Variants in GNL1 observed in about 807,000 individuals in gnomAD.
The protein encoded by GNL1 is G protein nucleolar 1, also known as guanine nucleotide-binding protein-like 1.
GNL1 carries 21 observed loss-of-function variants against 75.2 expected under a neutral mutation model. The observed-to-expected ratio is 0.28, with a 90% CI of 0.20 to 0.40. The LOEUF is 0.40. Among genes scored for constraint, GNL1 ranks in the 10% least tolerant of loss-of-function variants. The pLI is 1.00. For synonymous variants in GNL1, 287 were observed against 303.4 expected (o/e 0.95, Z 0.56); for missense variants, 579 against 775.0 (o/e 0.75, Z 3.00).
rs774477156 is a variant in GNL1 at position 30,555,618 on chromosome 6, T to C, written c.176A>G (p.His59Arg). 8 of 1,614,034 alleles carry C rather than the reference T, an allele frequency of 5.0e-6. No individual in the cohort carries two copies. In the Admixed American group the frequency reaches 1.2e-4, roughly 24 times the overall value. ...DTSDGESVTHHIRRLNQQPSQ... is the reference protein window; with the variant it reads ...DTSDGESVTHRIRRLNQQPSQ... ...AGGCTGCTGGTTAAGCCTGCGGATA[T>C]GATGGGTCACAGACTCCCCGTCCGA... Residue 59 changes from histidine to arginine, a missense_variant, in exon 2 of 12, where the codon CAT becomes CGT. Coordinates refer to ENST00000376621, the MANE Select transcript of GNL1 (RefSeq NM_005275.5). This position sits in a 1 kb window ranked among gnomAD's most constrained non-coding sequence, Gnocchi z 4.3.
In GNL1 at chr6:30,555,621, T is replaced by C. The variant is rs761759826; in HGVS notation, c.173A>G (p.His58Arg). The change falls in exon 2 of 12, where the codon CAT becomes CGT. Residue 58 changes from histidine (H) to arginine (R), a missense_variant. Coordinates refer to ENST00000376621, the MANE Select transcript of GNL1 (RefSeq NM_005275.5). This position sits in a 1 kb window ranked among gnomAD's most constrained non-coding sequence, Gnocchi z 4.3. ...TDTSDGESVT[H>R]HIRRLNQQPS... ...CTGCTGGTTAAGCCTGCGGATATGATGGGTCACAGACTCCCCGTCCGAGGT... is the reference window on the plus strand; with the variant it reads ...CTGCTGGTTAAGCCTGCGGATATGACGGGTCACAGACTCCCCGTCCGAGGT... 1.9e-6 allele frequency: 3 copies of C among 1,613,944 alleles called. No individual in the cohort carries two copies. The highest frequency in any genetic ancestry group is 1.3e-5 in the African/African-American group (1 of 74,930).
At position 30,546,829 on chromosome 6, in the gene GNL1, T is replaced by C. The variant is rs761502641; in HGVS notation, c.1449A>G (p.Ala483=). The C allele has an allele frequency of 6.3e-6, 10 of 1,586,974 alleles. 1 individual carries two copies. The South Asian group carries it at 1.1e-4, about 18-fold the overall frequency. The part of the protein sequence containing the change: ...WCAWDICEAW[A]EKRGYKTAKA... ...TGGCTGTCTTGTAACCACGTTTCTC[T>C]GCCCAGGCTGGAGGAAGAAAAGAAT... The change falls in exon 11 of 12, where the codon GCA becomes GCG. Residue 483 remains alanine, a synonymous_variant. Coordinates refer to ENST00000376621, the MANE Select transcript of GNL1 (RefSeq NM_005275.5). The surrounding 1 kb of genome is among the most constrained non-coding windows in gnomAD (Gnocchi z 5.1).
Position 30,546,470 on chromosome 6 carries a change from T to C in GNL1, c.1583-157A>G, listed in dbSNP as rs1317483644. On this transcript the variant is annotated intron_variant, in intron 11 of 11. Coordinates refer to ENST00000376621, the MANE Select transcript of GNL1 (RefSeq NM_005275.5). This position sits in a 1 kb window ranked among gnomAD's most constrained non-coding sequence, Gnocchi z 5.1. ...ATTCATTCAACTTCCTATGTGCAGA[T>C]TGCTGAACAGAACCTTTGTGCACAT... 2.3e-5 allele frequency: 16 copies of C among 681,956 alleles called. No individual in the cohort carries two copies. Among genetic ancestry groups the C allele is most frequent in the East Asian group, 1.4e-4 (5 of 36,672 alleles). The allele number at this position is 681,956 out of a possible 1,614,324, so 42.2% of individuals were successfully genotyped here.
Position 30,552,933 on chromosome 6 carries a change from C to A in GNL1, c.904+151G>T. 2 of 701,516 alleles carry A rather than the reference C, an allele frequency of 2.9e-6. No homozygotes were observed. The highest frequency in any genetic ancestry group is 2.5e-6 in the Non-Finnish European group (1 of 399,298). 43.5% of individuals were successfully genotyped at this position (701,516 alleles called of 1,614,324 possible). On this transcript the variant is annotated intron_variant, in intron 7 of 11. Coordinates refer to ENST00000376621, the MANE Select transcript of GNL1 (RefSeq NM_005275.5). This position sits in a 1 kb window ranked among gnomAD's most constrained non-coding sequence, Gnocchi z 4.5. ...GACTACCTGCTGCCTCTCGTCCCAC[C>A]AAGTCAGTCTGCTCCTTATTCTGTC...
At position 30,543,961 on chromosome 6, in the gene GNL1, T is replaced by C. The variant is rs1408311765; in HGVS notation, c.*2111A>G. The C allele has an allele frequency of 1.3e-5, 2 of 152,174 alleles. No individual in the cohort carries two copies. Among genetic ancestry groups the C allele is most frequent in the Admixed American group, 1.3e-4 (2 of 15,264 alleles). The allele number at this position is 152,174 out of a possible 1,614,324, so 9.4% of individuals were successfully genotyped here. The stretch of plus-strand genomic sequence containing the variant: ...AGACCTCCATGGTCAAGTATTCACA[T>C]AGTAGACATGACCCAGACAAGAGGG... On this transcript the variant is annotated 3_prime_UTR_variant, in exon 12 of 12. Transcript: ENST00000376621.
chr6:30,545,553 CAAT>C lies in GNL1; in HGVS notation c.*516_*518del, dbSNP rs1454066516. On this transcript the variant is annotated 3_prime_UTR_variant, in exon 12 of 12. Coordinates refer to ENST00000376621, the MANE Select transcript of GNL1 (RefSeq NM_005275.5). ...CAGGTCAAGACACACAATAGACCCT[CAAT>C]AAATATTTGCTGAATTTGAACAATT... The C allele has an allele frequency of 6.1e-6, 1 of 164,818 alleles. No homozygotes were observed. Among genetic ancestry groups the C allele is most frequent in the Admixed American group, 6.5e-5 (1 of 15,334 alleles). 10.2% of individuals were successfully genotyped at this position (164,818 alleles called of 1,614,324 possible).
At chr6:30,549,076 C>T (rs143026209) in intron 8 of GNL1, among the ~76,000 whole-genome samples, 7 of 152,240 alleles carry the variant, frequency 4.6e-5, no homozygotes, top group African/African-American at 1.2e-4. Flanking sequence ...TGGCTCACTA[C>T]AACCTCATCC....
At chr6:30,554,743 G>A (rs1213850436) in intron 4 of GNL1, 21 bp downstream of exon 4, 2 of 1,611,916 alleles carry the variant, frequency 1.2e-6, no homozygotes. Context: ...CCCCACTCCT[G>A]TCCCTAGAGT....
rs930894426 is a variant in GNL1, at chr6:30,554,566, A to G, written c.600+9T>C. The G allele has an allele frequency of 3.9e-6, 6 of 1,535,248 alleles. No homozygotes were observed. Among genetic ancestry groups the G allele is most frequent in the Non-Finnish European group, 5.4e-6 (6 of 1,109,122 alleles). ...CTCCTCCTTGCCCACCCTTATCCCTAGTACTCACTGGATGTCGGATATCAG... is the reference window on the plus strand; with the variant it reads ...CTCCTCCTTGCCCACCCTTATCCCTGGTACTCACTGGATGTCGGATATCAG... On this transcript the variant is annotated intron_variant, in intron 5 of 11. Transcript: ENST00000376621.
In GNL1 at chr6:30,555,988, G is replaced by A. The variant is rs1800149598; in HGVS notation, c.73+143C>T. 9.6e-7 allele frequency: 1 copy of A among 1,041,826 alleles called. No individual in the cohort carries two copies. Among genetic ancestry groups the A allele is most frequent in the African/African-American group, 1.6e-5 (1 of 64,156 alleles). The allele number at this position is 1,041,826 out of a possible 1,614,324, so 64.5% of individuals were successfully genotyped here. ...CCCCTTCCAGATGTAGGGGGGGTGG[G>A]GGATCCCCTCCGCGATAGGCCGCGA... is the stretch of plus-strand genomic sequence containing the variant. On this transcript the variant is annotated intron_variant, in intron 1 of 11. Transcript: ENST00000376621. The surrounding 1 kb of genome is among the most constrained non-coding windows in gnomAD (Gnocchi z 4.3).
chr6:30,555,210 A>G lies in GNL1; in HGVS notation c.240-19T>C. On this transcript the variant is annotated intron_variant, in intron 2 of 11. Transcript: ENST00000376621. The surrounding 1 kb of genome is among the most constrained non-coding windows in gnomAD (Gnocchi z 4.3). Reference sequence around the variant, plus strand: ...TCGGTATCTAAGGGAACAGGGACCGAGACATCCAGAGCAATCCTGTGGCCA... The same window carrying G: ...TCGGTATCTAAGGGAACAGGGACCGGGACATCCAGAGCAATCCTGTGGCCA... 1 of 1,612,952 alleles carries G rather than the reference A, an allele frequency of 6.2e-7. No homozygotes were observed. The highest frequency in any genetic ancestry group is 8.5e-7 in the Non-Finnish European group (1 of 1,179,984).
rs770415255 is a variant in GNL1 at position 30,556,140 on chromosome 6, G to A, written c.64C>T (p.Arg22Trp). 12 of 1,602,296 alleles carry A rather than the reference G, an allele frequency of 7.5e-6. No homozygotes were observed. Among genetic ancestry groups the A allele is most frequent in the Non-Finnish European group, 1.0e-5 (12 of 1,177,320 alleles). Residue 22 changes from arginine to tryptophan, a missense_variant, in exon 1 of 12, where the codon CGG becomes TGG. Arg to Trp is a moderately radical substitution (Grantham distance 101). Transcript: ENST00000376621. The surrounding 1 kb of genome is among the most constrained non-coding windows in gnomAD (Gnocchi z 5.7). Reference protein sequence around the residue: ...KKKQLQDKRERKRGLQDGLRS... With the variant: ...KKKQLQDKREWKRGLQDGLRS... Reference sequence around the variant, plus strand: ...CCGCTCCCGCACTGACCTCTCTTCCGCTCCCGTTTGTCCTGCAACTGCTTC... The same window carrying A: ...CCGCTCCCGCACTGACCTCTCTTCCACTCCCGTTTGTCCTGCAACTGCTTC...
At position 30,555,038 on chromosome 6, in the gene GNL1, G is replaced by C. The variant is rs1403878514; in HGVS notation, c.376+17C>G. On this transcript the variant is annotated intron_variant, in intron 3 of 11. Coordinates refer to ENST00000376621, the MANE Select transcript of GNL1 (RefSeq NM_005275.5). The surrounding 1 kb of genome is among the most constrained non-coding windows in gnomAD (Gnocchi z 4.3). ...AAACTCCTTCCCCAGCCCAATGCCT[G>C]TCTTGCTCTCACTCACCTGAGCCAG... 1 of 1,612,856 alleles carries C rather than the reference G, an allele frequency of 6.2e-7. No homozygotes were observed. Among genetic ancestry groups the C allele is most frequent in the African/African-American group, 1.3e-5 (1 of 74,976 alleles).
rs751015736 is a variant in GNL1 at position 30,553,556 on chromosome 6, A to G, written c.602T>C (p.Val201Ala). ...ATAAAGTGCTGGCGGGAAATTCACA[A>G]CCTAGGACAGAGTTGATAAGAGGAT... ...VLLITDIRHP[V>A]VNFPPALYEY... Residue 201 changes from valine to alanine, a missense_variant and splice_region_variant, in exon 6 of 12, where the codon GTT becomes GCT. Coordinates refer to ENST00000376621, the MANE Select transcript of GNL1 (RefSeq NM_005275.5). 9 of 1,608,194 alleles carry G rather than the reference A, an allele frequency of 5.6e-6. No individual in the cohort carries two copies. The highest frequency in any genetic ancestry group is 3.3e-4 in the Middle Eastern group (2 of 6,074).
In GNL1 at chr6:30,553,133, C is replaced by T; in HGVS notation, c.855G>A (p.Leu285=). ...AGGCTCTCAGCAACTGCTCTGGCCCCAGGGCCCGAGTCCATCCTCTCCCCC... is the reference window on the plus strand; with the variant it reads ...AGGCTCTCAGCAACTGCTCTGGCCCTAGGGCCCGAGTCCATCCTCTCCCCC... ...RRRGRGWTRA[L]GPEQLLRACE... The change falls in exon 7 of 12, where the codon CTG becomes CTA. Residue 285 remains leucine (L), a synonymous_variant. Transcript: ENST00000376621. The T allele has an allele frequency of 6.2e-7, 1 of 1,613,950 alleles. No individual in the cohort carries two copies.
At chr6:30,553,624 C>A in intron 5 of GNL1, 67 bp from the exon 6 acceptor site, 1 of 1,090,808 alleles carries the variant, frequency 9.2e-7, no homozygotes. Flanking sequence ...CTCCAGCTCC[C>A]CACTCAGCAG....
chr6:30,546,623 C>T lies in GNL1; in HGVS notation c.1582+73G>A. 7.8e-7 allele frequency: 1 copy of T among 1,275,772 alleles called. No homozygotes were observed. The highest frequency in any genetic ancestry group is 1.1e-6 in the Non-Finnish European group (1 of 910,078). 79.0% of individuals were successfully genotyped at this position (1,275,772 alleles called of 1,614,324 possible). A position where few individuals can be genotyped will look rare whatever the true frequency, so the allele number is the denominator to read the frequency against. On this transcript the variant is annotated intron_variant, in intron 11 of 11. Transcript: ENST00000376621. The surrounding 1 kb of genome is among the most constrained non-coding windows in gnomAD (Gnocchi z 5.1). ...GTACAGAATCCAGGTTTGACCCTCT[C>T]TCTGGCCACAAAGCCCACACCCTTT... is the stretch of plus-strand genomic sequence containing the variant.
chr6:30,556,027 C>T lies in GNL1; in HGVS notation c.73+104G>A. The T allele has an allele frequency of 7.1e-7, 1 of 1,408,536 alleles. No individual in the cohort carries two copies. Among genetic ancestry groups the T allele is most frequent in the Non-Finnish European group, 9.9e-7 (1 of 1,015,088 alleles). 87.3% of individuals were successfully genotyped at this position (1,408,536 alleles called of 1,614,324 possible). ...GATAGGCCGCGAGGGTTGACGCGGT[C>T]CCACGACCCCCTCCCACGATCCCCA... On this transcript the variant is annotated intron_variant, in intron 1 of 11. Coordinates refer to ENST00000376621, the MANE Select transcript of GNL1 (RefSeq NM_005275.5). The surrounding 1 kb of genome is among the most constrained non-coding windows in gnomAD (Gnocchi z 5.7).
rs1271021992 is a variant in GNL1, at chr6:30,556,160, T to G, written c.44A>C (p.Gln15Pro). 3.1e-6 allele frequency: 5 copies of G among 1,605,228 alleles called. No individual in the cohort carries two copies. The highest frequency in any genetic ancestry group is 4.2e-6 in the Non-Finnish European group (5 of 1,179,116). ...KPFSVKQKKK[Q>P]LQDKRERKRG... ...CTTCCGCTCCCGTTTGTCCTGCAAC[T>G]GCTTCTTCTTCTGCTTCACGCTGAA... is the stretch of plus-strand genomic sequence containing the variant. Residue 15 changes from glutamine (Q) to proline (P), a missense_variant, in exon 1 of 12, where the codon CAG (glutamine) becomes CCG (proline). Transcript: ENST00000376621. This position sits in a 1 kb window ranked among gnomAD's most constrained non-coding sequence, Gnocchi z 5.7.
Sources: gnomAD v4.1 joint callset for allele counts (sites outside exome capture counted in the v4.1 genomes callset) on GRCh38, gnomAD v4.1.1 for gene constraint, Gnocchi (gnomAD v3.1) non-coding constraint, MANE v1.5 for transcripts, NCBI Gene and HGNC (gene_info 2026-07-23, HGNC 2026-07-21) for gene names.